DOCK3: variants seen among roughly 807,000 people sequenced by gnomAD.
DOCK3 encodes the protein dedicator of cytokinesis protein 3.
Under a neutral mutation model 265.6 loss-of-function variants are expected in DOCK3, and 60 were observed. The observed-to-expected ratio is 0.23, with a 90% CI of 0.18 to 0.28. The LOEUF is 0.28. Ranked by LOEUF, DOCK3 falls within the 10% of genes least tolerant of loss-of-function variation. DOCK3 has a pLI of 1.00. For synonymous variants in DOCK3, 881 were observed against 938.0 expected, an observed-to-expected ratio of 0.94 and a Z score of 1.11; for missense variants, 1,981 against 2,594.3, an observed-to-expected ratio of 0.76 and a Z score of 5.14.
chr3:50,959,871 C>T (rs774779613), intron 5 of DOCK3, among the ~76,000 whole-genome samples: 2 of 152,176 alleles, frequency 1.3e-5, no homozygotes, highest in Non-Finnish European at 2.9e-5. Context: ...TGAGCCACCA[C>T]GCCCAGCCCT....
At chr3:51,035,803 TA>T (rs1324834908) in intron 5 of DOCK3, among the ~76,000 whole-genome samples, 1 of 152,182 alleles carries the variant, frequency 6.6e-6, no homozygotes, top group Non-Finnish European at 1.5e-5. Context: ...TTCATTTCTC[TA>T]AACCCCTTGA....
intron 5 of DOCK3, among the ~76,000 whole-genome samples, chr3:50,959,649 G>A (rs897488766): frequency 1.3e-5 from 2 of 151,744 alleles, no homozygotes; most frequent in African/African-American, 4.8e-5. Flanking sequence ...GCAAGATCTT[G>A]GCTCACTGCA....
chr3:50,990,325 C>A (rs1289329237), intron 5 of DOCK3, among the ~76,000 whole-genome samples: 1 of 152,106 alleles, frequency 6.6e-6, no homozygotes, highest in African/African-American at 2.4e-5. Flanking sequence ...AGTTTCTACA[C>A]CAGATCATCC....
intron 4 of DOCK3, among the ~76,000 whole-genome samples, chr3:50,927,538 A>C (rs1286239468): frequency 6.6e-6 from 1 of 152,226 alleles, no homozygotes; most frequent in East Asian, 1.9e-4. Flanking sequence ...TACCCCATAA[A>C]TATGTACAAC....
intron 1 of DOCK3, among the ~76,000 whole-genome samples, chr3:50,689,980 C>G (rs1678659263): frequency 6.6e-6 from 1 of 152,064 alleles, no homozygotes; most frequent in African/African-American, 2.4e-5. Flanking sequence ...TTGATGAAGT[C>G]CAATTTATCT....
At chr3:51,280,344 G>A in intron 27 of DOCK3, 140 bp downstream of exon 27, 1 of 793,628 alleles carries the variant, frequency 1.3e-6, no homozygotes, top group South Asian at 1.8e-5. Context: ...CTTTACAGCT[G>A]AGTGTTGGCC....
In DOCK3 at chr3:51,313,831, G is replaced by A. The variant is rs537676301; in HGVS notation, c.3253+929G>A. 3.3e-4 allele frequency among the ~76,000 whole-genome samples: 50 copies of A among 152,270 alleles called. 1 individual carries two copies. In the South Asian group the frequency reaches 9.7e-3, roughly 30 times the overall value. ...CCAACACTCTGGTTCCCTGTATCCA[G>A]CACAGTTTGGAAATGGATTTTAACC... On this transcript the variant is annotated intron_variant, in intron 31 of 52. Transcript: ENST00000266037.
At chr3:50,870,274 G>A (rs1345032640) in intron 3 of DOCK3, among the ~76,000 whole-genome samples, 2 of 151,980 alleles carry the variant, frequency 1.3e-5, no homozygotes, top group African/African-American at 4.8e-5. Context: ...ATAATATTTG[G>A]TTGGTATATT....
In DOCK3 at chr3:51,359,729, A is replaced by G. The variant is rs1215667069; in HGVS notation, c.4885-782A>G. On this transcript the variant is annotated intron_variant, in intron 46 of 52. Transcript: ENST00000266037. The surrounding 1 kb of genome is among the most constrained non-coding windows in gnomAD (Gnocchi z 4.8). ...AGCCTTTCTCCAGCTACAGAAATAC[A>G]TTTTAGCCCTCTGTATGCTTTGGAA... is the stretch of plus-strand genomic sequence containing the variant. Among the ~76,000 whole-genome samples, 1 of 152,206 alleles carries G rather than the reference A, an allele frequency of 6.6e-6. No individual in the cohort carries two copies. Among genetic ancestry groups the G allele is most frequent in the African/African-American group, 2.4e-5 (1 of 41,456 alleles).
intron 35 of DOCK3, among the ~76,000 whole-genome samples, chr3:51,337,825 C>T (rs574399583): frequency 2.1e-4 from 32 of 152,282 alleles, no homozygotes; most frequent in African/African-American, 7.5e-4. Context: ...GCTTTAAGCA[C>T]GAGACCTGCT....
intron 5 of DOCK3, among the ~76,000 whole-genome samples, chr3:51,048,584 CGAA>C (rs1414326709): frequency 6.6e-6 from 1 of 152,104 alleles, no homozygotes; most frequent in Non-Finnish European, 1.5e-5. Context: ...ATGCAGGAAA[CGAA>C]GTTTGTTTAC....
intron 27 of DOCK3, among the ~76,000 whole-genome samples, chr3:51,300,732 T>G (rs897098574): frequency 3.3e-5 from 5 of 152,216 alleles, no homozygotes; most frequent in Admixed American, 3.3e-4. Flanking sequence ...TGAACCAGCC[T>G]TGCATCCCAG....
chr3:51,177,430 A>G (rs1444495094), intron 12 of DOCK3, among the ~76,000 whole-genome samples: 3 of 152,184 alleles, frequency 2.0e-5, no homozygotes, highest in East Asian at 1.9e-4. Flanking sequence ...TAGTATTTCT[A>G]TTAGTTAAAA....
chr3:51,194,723 C>T (rs917229804), intron 12 of DOCK3, among the ~76,000 whole-genome samples: 6 of 151,870 alleles, frequency 4.0e-5, no homozygotes, highest in Non-Finnish European at 8.8e-5. Flanking sequence ...GTATAGTTAT[C>T]CCTACTCGCT....
chr3:51,087,505 GA>G (rs2082470528), intron 7 of DOCK3, among the ~76,000 whole-genome samples: 1 of 152,134 alleles, frequency 6.6e-6, no homozygotes, highest in Admixed American at 6.5e-5. Flanking sequence ...AGCTGTATAT[GA>G]CACATCCACA....
chr3:51,071,044 C>A (rs886127043), intron 6 of DOCK3, among the ~76,000 whole-genome samples: 1 of 152,068 alleles, frequency 6.6e-6, no homozygotes, highest in Non-Finnish European at 1.5e-5. Context: ...TTAAAGTATC[C>A]ATTGTATATA....
In DOCK3 at chr3:51,359,334, G is replaced by T. The variant is rs2086575774; in HGVS notation, c.4885-1177G>T. 6.6e-6 allele frequency among the ~76,000 whole-genome samples: 1 copy of T among 152,226 alleles called. No homozygotes were observed. Among genetic ancestry groups the T allele is most frequent in the Non-Finnish European group, 1.5e-5 (1 of 68,030 alleles). On this transcript the variant is annotated intron_variant, in intron 46 of 52. Coordinates refer to ENST00000266037, the MANE Select transcript of DOCK3 (RefSeq NM_004947.5). The surrounding 1 kb of genome is among the most constrained non-coding windows in gnomAD (Gnocchi z 4.8). ...AAAGAAGCTTGTTGTAGTTTGAGAG[G>T]TAGGGGCACATTTTCCAGAGGAAAG...
At position 51,267,664 on chromosome 3, in the gene DOCK3, G is replaced by C. The variant is rs555273062; in HGVS notation, c.2356-3151G>C. 2.9e-4 allele frequency among the ~76,000 whole-genome samples: 44 copies of C among 152,168 alleles called. 1 individual carries two copies. Among genetic ancestry groups the C allele is most frequent in the Admixed American group, 2.6e-3 (40 of 15,278 alleles). ...GCCTCCCAAAGTGCTGGGATTACAC[G>C]CATGAGCCACCGCGCCCAGCCACAC... On this transcript the variant is annotated intron_variant, in intron 23 of 52. Coordinates refer to ENST00000266037, the MANE Select transcript of DOCK3 (RefSeq NM_004947.5).
At chr3:51,016,911 T>C (rs1208923167) in intron 5 of DOCK3, among the ~76,000 whole-genome samples, 4 of 119,898 alleles carry the variant, frequency 3.3e-5, no homozygotes, top group South Asian at 2.3e-4. Context: ...TATATGTTTA[T>C]ATATAAATAT....
Sources: allele counts gnomAD v4.1 joint callset (sites outside exome capture counted in the v4.1 genomes callset), GRCh38; gene constraint gnomAD v4.1.1; non-coding constraint Gnocchi (gnomAD v3.1); transcripts MANE v1.5; gene names NCBI Gene and HGNC (gene_info 2026-07-23, HGNC 2026-07-21).